NEK7: variants seen among roughly 807,000 people sequenced by gnomAD.
NEK7 encodes NIMA related kinase 7, also known as serine/threonine-protein kinase Nek7.
Under a neutral mutation model 44.6 loss-of-function variants are expected in NEK7, and 18 were observed. That is an observed-to-expected ratio of 0.40 (90% CI 0.28 to 0.60). The LOEUF (loss-of-function observed/expected upper bound fraction) is 0.60, where lower values mean the gene tolerates loss of function less well. NEK7 is among the 20% of genes least tolerant of loss of function. The probability of loss-of-function intolerance (pLI) is 0.38; values close to 1 mark genes in which losing one functional copy is unlikely to be tolerated. For synonymous variants in NEK7, 130 were observed against 121.1 expected (o/e 1.07, Z -0.48); for missense variants, 256 against 366.5 (o/e 0.70, Z 2.46).
intron 7 of NEK7, 68 bp from the exon 8 acceptor site, chr1:198,292,877 A>G: frequency 1.2e-6 from 1 of 837,402 alleles, no homozygotes; most frequent in Non-Finnish European, 2.0e-6. Context: ...TTTTGTATGT[A>G]GTTTCTGACC....
chr1:198,237,392 G>A (rs1002189696), intron 2 of NEK7, among the ~76,000 whole-genome samples: 1 of 151,896 alleles, frequency 6.6e-6, no homozygotes, highest in African/African-American at 2.4e-5. Flanking sequence ...CAACCCTAAT[G>A]CTGCCCAAAC....
chr1:198,166,687 G>A (rs894831569), intron 1 of NEK7, among the ~76,000 whole-genome samples: 7 of 152,132 alleles, frequency 4.6e-5, no homozygotes, highest in Admixed American at 4.6e-4. Flanking sequence ...TAAGTTTACC[G>A]TTTTATTTGG....
rs566656052 is a variant in NEK7 at position 198,227,820 on chromosome 1, C to T, written c.-28-4733C>T. Among the ~76,000 whole-genome samples the T allele has an allele frequency of 2.6e-5, 4 of 152,188 alleles. No homozygotes were observed. The East Asian group carries it at 7.7e-4, about 29-fold the overall frequency. On this transcript the variant is annotated intron_variant, in intron 1 of 9. Transcript: ENST00000367385. ...AAATTTTCTCCCATTCTGTAGGCTG[C>T]CTGTTCACTCTGATGGTAGTTTCTT...
intron 3 of NEK7, chr1:198,256,368 T>C (rs1369899420): frequency 6.2e-7 from 1 of 1,611,900 alleles, no homozygotes; most frequent in South Asian, 1.1e-5. Flanking sequence ...GTGTGTGCGC[T>C]AAATGCATGT....
chr1:198,233,373 CGTGTA>C (rs1558069564), intron 2 of NEK7, among the ~76,000 whole-genome samples: 1 of 152,116 alleles, frequency 6.6e-6, no homozygotes, highest in Admixed American at 6.6e-5. Context: ...ATAAAGCTAA[CGTGTA>C]ATGACATGTT....
At chr1:198,276,544 A>G (rs1031200933) in intron 5 of NEK7, among the ~76,000 whole-genome samples, 4 of 151,730 alleles carry the variant, frequency 2.6e-5, no homozygotes, top group African/African-American at 9.7e-5. Context: ...TCTGCAATTA[A>G]AAAGACTTAG....
chr1:198,264,053 A>G (rs949443233), intron 4 of NEK7, 72 bp from the exon 5 acceptor site: 2 of 1,441,162 alleles, frequency 1.4e-6, no homozygotes, highest in Non-Finnish European at 9.2e-7. Flanking sequence ...TTTGTTCTTA[A>G]GTACAAAACT....
At chr1:198,286,372 C>CA (rs1401108332) in intron 7 of NEK7, among the ~76,000 whole-genome samples, 5 of 150,334 alleles carry the variant, frequency 3.3e-5, no homozygotes, top group African/African-American at 1.2e-4. Flanking sequence ...CCACCCCTGA[C>CA]AAAAAAGAAC....
At chr1:198,238,058 G>C (rs1272160893) in intron 2 of NEK7, among the ~76,000 whole-genome samples, 1 of 152,086 alleles carries the variant, frequency 6.6e-6, no homozygotes, top group Admixed American at 6.6e-5. Context: ...TATGAGCCCT[G>C]CTTTTAAAAT....
chr1:198,202,079 C>T (rs773459239), intron 1 of NEK7, among the ~76,000 whole-genome samples: 1 of 152,092 alleles, frequency 6.6e-6, no homozygotes, highest in Non-Finnish European at 1.5e-5. Context: ...CTCTTTTTGG[C>T]TTTACCTAAA....
chr1:198,253,259 A>AT lies in NEK7; in HGVS notation c.198+81dup, dbSNP rs1475646113. ...AGATGAGAAAAGTATATCCTGAATG[A>AT]TTGGGTACTGATAGCCTTAAGTTGA... On this transcript the variant is annotated intron_variant, in intron 3 of 9. Coordinates refer to ENST00000367385, the MANE Select transcript of NEK7 (RefSeq NM_133494.3). 3.0e-5 allele frequency: 28 copies of AT among 921,166 alleles called. No individual in the cohort carries two copies. In the Admixed American group the frequency reaches 5.3e-4, roughly 17 times the overall value. The allele number at this position is 921,166 out of a possible 1,614,324, so 57.1% of individuals were successfully genotyped here.
intron 2 of NEK7, among the ~76,000 whole-genome samples, chr1:198,246,075 G>A (rs1334906810): frequency 6.6e-6 from 1 of 152,118 alleles, no homozygotes; most frequent in East Asian, 1.9e-4. Flanking sequence ...AGCACCTAAT[G>A]TAATGCTACC....
rs539578029 is a variant in NEK7, at chr1:198,318,510, C to T, written c.799-902C>T. On this transcript the variant is annotated intron_variant, in intron 9 of 9. Transcript: ENST00000367385. ...GAAATTGTGCTAATTTAAAAATTTA[C>T]TAAGTGCTATATCGTGGCCAGAGTT... Among the ~76,000 whole-genome samples the T allele has an allele frequency of 2.2e-4, 34 of 152,264 alleles. 1 individual carries two copies. Among genetic ancestry groups the T allele is most frequent in the Admixed American group, 1.5e-3 (23 of 15,290 alleles).
chr1:198,273,372 G>T (rs1166699789), intron 5 of NEK7, among the ~76,000 whole-genome samples: 1 of 151,606 alleles, frequency 6.6e-6, no homozygotes, highest in African/African-American at 2.4e-5. Context: ...GCAAATATTT[G>T]TGAAGTTTAG....
intron 9 of NEK7, among the ~76,000 whole-genome samples, chr1:198,316,012 A>G (rs1391123114): frequency 2.0e-5 from 3 of 152,172 alleles, no homozygotes; most frequent in Non-Finnish European, 2.9e-5. Context: ...GAGTTAAGGA[A>G]AGGAAAATAT....
At chr1:198,224,698 A>T (rs1021963718) in intron 1 of NEK7, among the ~76,000 whole-genome samples, 1 of 152,012 alleles carries the variant, frequency 6.6e-6, no homozygotes, top group South Asian at 2.1e-4. Context: ...ATAAATTAGT[A>T]TGTATTTTTA....
At chr1:198,197,846 T>A in intron 1 of NEK7, 1 of 872,788 alleles carries the variant, frequency 1.1e-6, no homozygotes, top group South Asian at 1.4e-5. Context: ...GTGCATCTTT[T>A]TGTGAGCTTT....
intron 2 of NEK7, among the ~76,000 whole-genome samples, chr1:198,247,873 G>C (rs186545538): frequency 1.2e-4 from 18 of 152,244 alleles, no homozygotes; most frequent in Admixed American, 2.6e-4. Context: ...TATCAAAATA[G>C]CCTTTCTGCG....
At chr1:198,268,453 C>T (rs1461110863) in intron 5 of NEK7, among the ~76,000 whole-genome samples, 1 of 151,914 alleles carries the variant, frequency 6.6e-6, no homozygotes, top group Non-Finnish European at 1.5e-5. Flanking sequence ...ATTTTTTCTT[C>T]TAAATGCCTT....
Sources: allele counts gnomAD v4.1 joint callset (sites outside exome capture counted in the v4.1 genomes callset), GRCh38; gene constraint gnomAD v4.1.1; transcripts MANE v1.5; gene names NCBI Gene and HGNC (gene_info 2026-07-23, HGNC 2026-07-21).